SLC24A2: variants seen among roughly 807,000 people sequenced by gnomAD.
SLC24A2 encodes sodium/potassium/calcium exchanger 2.
A neutral mutation model predicts 62.0 loss-of-function variants in SLC24A2; 36 were observed. The ratio of observed to expected loss-of-function variants is 0.58; its 90% CI spans 0.44 to 0.77. The LOEUF (loss-of-function observed/expected upper bound fraction) is 0.77. SLC24A2 is among the 30% of genes least tolerant of loss of function. The pLI is 0.00. For missense variants in SLC24A2, 846 were observed against 817.9 expected, an observed-to-expected ratio of 1.03 and a Z score of -0.42; for synonymous variants, 358 against 294.0, an observed-to-expected ratio of 1.22 and a Z score of -2.23.
the SLC24A2 span, among the ~76,000 whole-genome samples, chr9:20,276,369 C>G: frequency 6.6e-6 from 1 of 152,260 alleles, no homozygotes; most frequent in African/African-American, 2.4e-5. Flanking sequence ...CCAAAATGAT[C>G]TCCTTTGACT....
At chr9:19,724,981 G>C (rs1306227447) in intron 2 of SLC24A2, among the ~76,000 whole-genome samples, 3 of 152,066 alleles carry the variant, frequency 2.0e-5, no homozygotes, top group Non-Finnish European at 4.4e-5. Flanking sequence ...CTTGCCAGAG[G>C]AGCTCACGTG....
chr9:20,072,601 C>T, the SLC24A2 span, among the ~76,000 whole-genome samples: 1 of 151,292 alleles, frequency 6.6e-6, no homozygotes, highest in Non-Finnish European at 1.5e-5. Context: ...ATGATTAAGT[C>T]AGATATCTTG....
chr9:19,835,683 C>T, the SLC24A2 span, among the ~76,000 whole-genome samples: 1 of 152,156 alleles, frequency 6.6e-6, no homozygotes, highest in Non-Finnish European at 1.5e-5. Context: ...AGAAAGTTAA[C>T]AAGGATATCC....
At chr9:20,089,018 C>A in the SLC24A2 span, among the ~76,000 whole-genome samples, 3 of 152,232 alleles carry the variant, frequency 2.0e-5, no homozygotes, top group African/African-American at 7.2e-5. Context: ...TAGCTTCTCA[C>A]TGGGTGGGTC....
intron 2 of SLC24A2, among the ~76,000 whole-genome samples, chr9:19,695,753 T>C (rs1820173809): frequency 6.7e-6 from 1 of 148,532 alleles, no homozygotes; most frequent in African/African-American, 2.5e-5. Flanking sequence ...AGATTAATTA[T>C]AGACTATTCA....
At chr9:19,957,160 G>T in the SLC24A2 span, among the ~76,000 whole-genome samples, 1 of 152,140 alleles carries the variant, frequency 6.6e-6, no homozygotes, top group East Asian at 1.9e-4. Flanking sequence ...TATTTAGTCT[G>T]ACTTTAAATT....
chr9:19,541,674 G>GC (rs1462195201), intron 8 of SLC24A2, among the ~76,000 whole-genome samples: 2 of 148,482 alleles, frequency 1.3e-5, no homozygotes, highest in African/African-American at 5.0e-5. Flanking sequence ...TCTGTGCCCT[G>GC]CCCCCAGAGG....
the SLC24A2 span, among the ~76,000 whole-genome samples, chr9:20,199,885 ATT>A: frequency 0.11 from 14,608 of 131,804 alleles, 718 homozygotes; most frequent in Middle Eastern, 0.16. Flanking sequence ...TGCCTGGCTA[ATT>A]TTTTTTTTTT....
At chr9:20,200,645 T>C in the SLC24A2 span, among the ~76,000 whole-genome samples, 1 of 152,192 alleles carries the variant, frequency 6.6e-6, no homozygotes, top group African/African-American at 2.4e-5. Flanking sequence ...ATTGCTAGCA[T>C]CCTTCTTGGG....
At chr9:20,257,243 C>G in the SLC24A2 span, among the ~76,000 whole-genome samples, 1 of 152,114 alleles carries the variant, frequency 6.6e-6, no homozygotes, top group Non-Finnish European at 1.5e-5. Context: ...GTGATAAATA[C>G]ATCATAAGAT....
intron 2 of SLC24A2, among the ~76,000 whole-genome samples, chr9:19,754,159 TC>T (rs1822063616): frequency 6.6e-6 from 1 of 152,178 alleles, no homozygotes; most frequent in Non-Finnish European, 1.5e-5. Context: ...CCTCAGAGAT[TC>T]TGTCAAAGGA....
chr9:20,200,841 G>A, the SLC24A2 span, among the ~76,000 whole-genome samples: 1 of 152,186 alleles, frequency 6.6e-6, no homozygotes, highest in Non-Finnish European at 1.5e-5. Context: ...AAAGCTTTTG[G>A]ACCGTAGTGT....
chr9:20,100,266 G>A, the SLC24A2 span, among the ~76,000 whole-genome samples: 3 of 151,686 alleles, frequency 2.0e-5, no homozygotes, highest in African/African-American at 2.4e-5. Flanking sequence ...TTGCCATGTC[G>A]CCCAGGCTGG....
intron 2 of SLC24A2, among the ~76,000 whole-genome samples, chr9:19,768,468 C>A (rs1822584472): frequency 6.6e-6 from 1 of 152,082 alleles, no homozygotes; most frequent in African/African-American, 2.4e-5. Flanking sequence ...AGGATATGTC[C>A]CAAGACCCCC....
chr9:19,575,816 G>A (rs888793355), intron 6 of SLC24A2, among the ~76,000 whole-genome samples: 10 of 152,204 alleles, frequency 6.6e-5, no homozygotes, highest in Non-Finnish European at 1.3e-4. Flanking sequence ...AACATGTGAA[G>A]CAGAAAAAAT....
chr9:20,058,637 T>C, the SLC24A2 span, among the ~76,000 whole-genome samples: 1 of 152,146 alleles, frequency 6.6e-6, no homozygotes, highest in African/African-American at 2.4e-5. Flanking sequence ...AAATACAGGC[T>C]GCATGTAGAG....
intron 7 of SLC24A2, among the ~76,000 whole-genome samples, chr9:19,551,705 G>T (rs1044736321): frequency 6.6e-6 from 1 of 152,176 alleles, no homozygotes; most frequent in Non-Finnish European, 1.5e-5. Flanking sequence ...TCCCTACAGA[G>T]GTGGCATGAG....
the SLC24A2 span, among the ~76,000 whole-genome samples, chr9:20,191,784 G>A: frequency 6.6e-6 from 1 of 151,928 alleles, no homozygotes; most frequent in African/African-American, 2.4e-5. Context: ...TTTTAGTTGT[G>A]TGGATAGATC....
intron 2 of SLC24A2, among the ~76,000 whole-genome samples, chr9:19,665,360 G>A (rs956408602): frequency 1.3e-5 from 2 of 152,146 alleles, no homozygotes; most frequent in South Asian, 2.1e-4. Flanking sequence ...CACTTCAGAT[G>A]TGGGGGCGAG....
Sources: gnomAD v4.1 joint callset for allele counts (sites outside exome capture counted in the v4.1 genomes callset) on GRCh38, gnomAD v4.1.1 for gene constraint, MANE v1.5 for transcripts, NCBI Gene and HGNC (gene_info 2026-07-23, HGNC 2026-07-21) for gene names.